The following IGSF3 variants were observed in gnomAD, a reference collection of about 807,000 sequenced individuals.
IGSF3 encodes immunoglobulin superfamily member 3.
A neutral mutation model predicts 114.4 loss-of-function variants in IGSF3; 23 were observed. The observed-to-expected ratio is 0.20, with a 90% CI of 0.14 to 0.28. The LOEUF (loss-of-function observed/expected upper bound fraction) is 0.28. Ranked by LOEUF, IGSF3 falls within the 10% of genes least tolerant of loss-of-function variation. The probability of loss-of-function intolerance (pLI) is 1.00; values close to 1 mark genes in which losing one functional copy is unlikely to be tolerated. For missense variants in IGSF3, 1,172 were observed against 1,591.5 expected (o/e 0.74, Z 4.48); for synonymous variants, 571 against 645.2 (o/e 0.88, Z 1.74).
At position 116,618,865 on chromosome 1, in the gene IGSF3, T is replaced by A. The variant is rs1206200725; in HGVS notation, c.44-2408A>T. The stretch of plus-strand genomic sequence containing the variant: ...CTACAACCAACCCCCATACATCTCC[T>A]GCAAAGAAGGCTAGAGGCAAGTCAG... On this transcript the variant is annotated intron_variant, in intron 2 of 10. Coordinates refer to ENST00000369486, the MANE Select transcript of IGSF3 (RefSeq NM_001007237.3). This position sits in a 1 kb window ranked among gnomAD's most constrained non-coding sequence, Gnocchi z 4.7. 1.3e-5 allele frequency among the ~76,000 whole-genome samples: 2 copies of A among 152,198 alleles called. No individual in the cohort carries two copies. The highest frequency in any genetic ancestry group is 4.8e-5 in the African/African-American group (2 of 41,450).
Position 116,582,342 on chromosome 1 carries a change from C to T in IGSF3, c.2848+2303G>A, listed in dbSNP as rs1176580534. 6.6e-6 allele frequency among the ~76,000 whole-genome samples: 1 copy of T among 152,222 alleles called. No individual in the cohort carries two copies. The highest frequency in any genetic ancestry group is 2.4e-5 in the African/African-American group (1 of 41,446). On this transcript the variant is annotated intron_variant, in intron 9 of 10. Coordinates refer to ENST00000369486, the MANE Select transcript of IGSF3 (RefSeq NM_001007237.3). This position sits in a 1 kb window ranked among gnomAD's most constrained non-coding sequence, Gnocchi z 4.7. ...CTGTCTGCGTGACACTAACAGCTCC[C>T]CTGGATCTCACTGTGACCGCCAATT...
chr1:116,667,152 C>T (rs1309017142), intron 1 of IGSF3, among the ~76,000 whole-genome samples, 196 bp from the exon 2 acceptor site: 1 of 152,204 alleles, frequency 6.6e-6, no homozygotes, highest in East Asian at 1.9e-4. Flanking sequence ...CAGTGGGAAG[C>T]CCGATTGTTC....
In IGSF3 at chr1:116,638,657, T is replaced by C. The variant is rs1647942066; in HGVS notation, c.44-22200A>G. ...TTACATCGTTTTCCATCTCTTGTGT[T>C]GGTGAGCTAAAAACAAGATGGAAAA... On this transcript the variant is annotated intron_variant, in intron 2 of 10. Coordinates refer to ENST00000369486, the MANE Select transcript of IGSF3 (RefSeq NM_001007237.3). The surrounding 1 kb of genome is among the most constrained non-coding windows in gnomAD (Gnocchi z 4.1). Among the ~76,000 whole-genome samples, 2 of 152,144 alleles carry C rather than the reference T, an allele frequency of 1.3e-5. No individual in the cohort carries two copies. Among genetic ancestry groups the C allele is most frequent in the Admixed American group, 1.3e-4 (2 of 15,272 alleles).
chr1:116,612,142 C>T lies in IGSF3; in HGVS notation c.832+1623G>A, dbSNP rs1413919121. On this transcript the variant is annotated intron_variant, in intron 4 of 10. Transcript: ENST00000369486. This position sits in a 1 kb window ranked among gnomAD's most constrained non-coding sequence, Gnocchi z 4.1. Reference sequence around the variant, plus strand: ...AAATAAAGAAGATTAACTGATGCAACCTAATTTAAAAGCATTAAGACTCAA... The same window carrying T: ...AAATAAAGAAGATTAACTGATGCAATCTAATTTAAAAGCATTAAGACTCAA... 6.6e-6 allele frequency among the ~76,000 whole-genome samples: 1 copy of T among 151,018 alleles called. No homozygotes were observed. The highest frequency in any genetic ancestry group is 1.5e-5 in the Non-Finnish European group (1 of 67,996).
chr1:116,635,743 C>T (rs1467338748), intron 2 of IGSF3, among the ~76,000 whole-genome samples: 2 of 152,240 alleles, frequency 1.3e-5, no homozygotes, highest in African/African-American at 2.4e-5. Flanking sequence ...GTTATGGGGT[C>T]TCTGGTCTCT....
At chr1:116,597,626 T>C (rs1660396632) in intron 7 of IGSF3, among the ~76,000 whole-genome samples, 1 of 152,198 alleles carries the variant, frequency 6.6e-6, no homozygotes, top group Admixed American at 6.5e-5. Flanking sequence ...CCACTGTTCA[T>C]TCTCACTTTA....
chr1:116,659,735 C>A (rs1009616647), intron 2 of IGSF3, among the ~76,000 whole-genome samples: 2 of 152,146 alleles, frequency 1.3e-5, no homozygotes, highest in African/African-American at 4.8e-5. Context: ...CCCACCTCAA[C>A]TTCTGAAGCA....
rs368327003 is a variant in IGSF3 at position 116,589,260 on chromosome 1, A to ACCGCTAAACATCCTT, written c.2030-171_2030-157dup. ...AGGAAGGCAGCACGGAGCCCAGGCCACCGCTAAACATCCTTCCCTGTCTCC... is the reference window on the plus strand; with the variant it reads ...AGGAAGGCAGCACGGAGCCCAGGCCACCGCTAAACATCCTTCCGCTAAACATCCTTCCCTGTCTCC... On this transcript the variant is annotated intron_variant, in intron 7 of 10. Transcript: ENST00000369486. This position sits in a 1 kb window ranked among gnomAD's most constrained non-coding sequence, Gnocchi z 5.7. Among the ~76,000 whole-genome samples the ACCGCTAAACATCCTT allele has an allele frequency of 4.4e-3, 666 of 152,104 alleles. 5 individuals carry two copies. Among genetic ancestry groups the ACCGCTAAACATCCTT allele is most frequent in the African/African-American group, 0.015 (617 of 41,458 alleles).
intron 2 of IGSF3, chr1:116,617,451 G>A (rs866742641): frequency 1.0e-4 from 73 of 720,676 alleles, no homozygotes; most frequent in Non-Finnish European, 1.1e-4. Flanking sequence ...AGTTACAGGC[G>A]CAGCTTTGCC....
chr1:116,584,681 T>C lies in IGSF3; in HGVS notation c.2812A>G (p.Thr938Ala). The C allele has an allele frequency of 6.2e-7, 1 of 1,614,106 alleles. No individual in the cohort carries two copies. The highest frequency in any genetic ancestry group is 8.5e-7 in the Non-Finnish European group (1 of 1,179,940). ...SGMWYKRAEDTAGQTALTVMR... is the reference protein window; with the variant it reads ...SGMWYKRAEDAAGQTALTVMR... The stretch of plus-strand genomic sequence containing the variant: ...ACTGTCAGAGCTGTCTGCCCAGCGG[T>C]GTCCTCTGCCCGCTTATACCACATG... Residue 938 changes from threonine (T) to alanine (A), a missense_variant, in exon 9 of 11, where the codon ACC becomes GCC. By Grantham distance (58) the Thr-to-Ala change is moderately conservative. Transcript: ENST00000369486. The surrounding 1 kb of genome is among the most constrained non-coding windows in gnomAD (Gnocchi z 5.8).
chr1:116,631,633 C>T (rs1037301863), intron 2 of IGSF3, among the ~76,000 whole-genome samples: 2 of 152,152 alleles, frequency 1.3e-5, no homozygotes, highest in Admixed American at 6.5e-5. Flanking sequence ...AGGTAGCTGT[C>T]CACAATTCCC....
At chr1:116,578,721 T>A (rs777157320) in intron 10 of IGSF3, among the ~76,000 whole-genome samples, 3 of 152,230 alleles carry the variant, frequency 2.0e-5, no homozygotes, top group Non-Finnish European at 4.4e-5. Flanking sequence ...GTAGTCCACA[T>A]TTTGATGGCA....
Position 116,602,037 on chromosome 1 carries a change from A to C in IGSF3, c.1624+1587T>G, listed in dbSNP as rs562629194. Among the ~76,000 whole-genome samples the C allele has an allele frequency of 6.6e-5, 10 of 152,346 alleles. No homozygotes were observed. In the East Asian group the frequency reaches 1.3e-3, roughly 21 times the overall value. ...CCGCATCTAATTATACTGATATGAA[A>C]ATTCATGTGTGTCATTGTTAACTTT... On this transcript the variant is annotated intron_variant, in intron 6 of 10. Transcript: ENST00000369486.
At chr1:116,586,362 T>A (rs1488407702) in intron 8 of IGSF3, among the ~76,000 whole-genome samples, 2 of 152,172 alleles carry the variant, frequency 1.3e-5, no homozygotes, top group Non-Finnish European at 2.9e-5. Context: ...TTTTCTTTGT[T>A]GAGTTTTGTT....
In IGSF3 at chr1:116,666,566, G is replaced by A. The variant is rs932494854; in HGVS notation, c.-240C>T. ...AGGAAGGGTCCACAACAATTCGGAA[G>A]TCGCTCCCGGCTCCTGCCACATCGT... is the stretch of plus-strand genomic sequence containing the variant. On this transcript the variant is annotated 5_prime_UTR_variant, in exon 2 of 11. Coordinates refer to ENST00000369486, the MANE Select transcript of IGSF3 (RefSeq NM_001007237.3). 2 of 599,978 alleles carry A rather than the reference G, an allele frequency of 3.3e-6. No individual in the cohort carries two copies. Among genetic ancestry groups the A allele is most frequent in the South Asian group, 4.1e-5 (2 of 49,330 alleles). 37.2% of individuals were successfully genotyped at this position (599,978 alleles called of 1,614,324 possible). A position where few individuals can be genotyped will look rare whatever the true frequency, so the allele number is the denominator to read the frequency against.
chr1:116,613,158 T>C (rs548040024), intron 4 of IGSF3, among the ~76,000 whole-genome samples: 11 of 152,254 alleles, frequency 7.2e-5, no homozygotes, highest in Admixed American at 3.9e-4. Flanking sequence ...ACCTGCAAAA[T>C]AGGAGTACTA....
At position 116,595,030 on chromosome 1, in the gene IGSF3, C is replaced by T. The variant is rs1189945233; in HGVS notation, c.2029+4911G>A. The stretch of plus-strand genomic sequence containing the variant: ...CCGCAAGGCAGGAACGTGACACACC[C>T]ATCTCAGCAGCCTCACCAGCATGGC... On this transcript the variant is annotated intron_variant, in intron 7 of 10. Transcript: ENST00000369486. This position sits in a 1 kb window ranked among gnomAD's most constrained non-coding sequence, Gnocchi z 4.2. 1.3e-5 allele frequency among the ~76,000 whole-genome samples: 2 copies of T among 152,296 alleles called. No individual in the cohort carries two copies. The highest frequency in any genetic ancestry group is 3.9e-4 in the East Asian group (2 of 5,172).
At chr1:116,635,759 G>A (rs1212574018) in intron 2 of IGSF3, among the ~76,000 whole-genome samples, 1 of 152,214 alleles carries the variant, frequency 6.6e-6, no homozygotes, top group Non-Finnish European at 1.5e-5. Flanking sequence ...TCTCTGCCAA[G>A]GCAAACTCAT....
rs1232528374 is a variant in IGSF3 at position 116,634,072 on chromosome 1, T to C, written c.44-17615A>G. ...GAGAATATTTTCTGAAAGACACACA[T>C]GAAACCAGTAACGGTGATGGTCTCT... On this transcript the variant is annotated intron_variant, in intron 2 of 10. Coordinates refer to ENST00000369486, the MANE Select transcript of IGSF3 (RefSeq NM_001007237.3). The surrounding 1 kb of genome is among the most constrained non-coding windows in gnomAD (Gnocchi z 4.2). Among the ~76,000 whole-genome samples the C allele has an allele frequency of 1.3e-5, 2 of 152,216 alleles. No individual in the cohort carries two copies. Among genetic ancestry groups the C allele is most frequent in the Non-Finnish European group, 2.9e-5 (2 of 68,042 alleles).
Sources: allele counts gnomAD v4.1 joint callset (sites outside exome capture counted in the v4.1 genomes callset), GRCh38; gene constraint gnomAD v4.1.1; non-coding constraint Gnocchi (gnomAD v3.1); transcripts MANE v1.5; gene names NCBI Gene and HGNC (gene_info 2026-07-23, HGNC 2026-07-21).